ARHGEF12: variants seen among roughly 807,000 people sequenced by gnomAD.
The protein encoded by ARHGEF12 is Rho guanine nucleotide exchange factor 12, also known as KMT2A/ARHGEF12 fusion protein.
In ARHGEF12, 66 loss-of-function variants were observed where a neutral mutation model predicts 211.2. The observed-to-expected ratio is 0.31, with a 90% CI of 0.26 to 0.38. ARHGEF12 has a LOEUF of 0.38. Ranked by LOEUF, ARHGEF12 falls within the 10% of genes least tolerant of loss-of-function variation. ARHGEF12 has a pLI of 1.00. For missense variants in ARHGEF12, 1,429 were observed against 1,869.5 expected, an observed-to-expected ratio of 0.76 and a Z score of 4.34; for synonymous variants, 592 against 638.4, an observed-to-expected ratio of 0.93 and a Z score of 1.09.
intron 18 of ARHGEF12, chr11:120,447,287 G>T: frequency 4.2e-6 from 2 of 480,382 alleles, no homozygotes; most frequent in Non-Finnish European, 7.0e-6. Flanking sequence ...TTTTCTGGGT[G>T]GTGGTAAATG....
intron 1 of ARHGEF12, among the ~76,000 whole-genome samples, chr11:120,390,831 A>T (rs746392512): frequency 6.6e-6 from 1 of 152,178 alleles, no homozygotes; most frequent in African/African-American, 2.4e-5. Flanking sequence ...TACTAGTTAT[A>T]TAACTTGTAT....
In ARHGEF12 at chr11:120,449,136, G is replaced by T; in HGVS notation, c.1765G>T (p.Glu589Ter). The part of the protein sequence containing the change: ...KQSMKKDKEG[E>*]EKGKRRGFPS... Reference sequence around the variant, plus strand: ...AAGTATGAAGAAAGATAAAGAAGGGGAAGAAAAAGGGAAGCGAAGAGGATT... The same window carrying T: ...AAGTATGAAGAAAGATAAAGAAGGGTAAGAAAAAGGGAAGCGAAGAGGATT... The change falls in exon 21 of 41, where the codon GAA becomes TAA. Residue 589 changes from glutamate (E) to a stop codon, truncating the protein, a stop_gained. Transcript: ENST00000397843. LOFTEE classifies it high-confidence loss of function. The T allele has an allele frequency of 6.2e-7, 1 of 1,614,060 alleles. No individual in the cohort carries two copies. Among genetic ancestry groups the T allele is most frequent in the Non-Finnish European group, 8.5e-7 (1 of 1,179,988 alleles).
At chr11:120,457,322 T>C (rs1321577325) in intron 23 of ARHGEF12, 72 bp downstream of exon 23, 1 of 1,540,380 alleles carries the variant, frequency 6.5e-7, no homozygotes, top group Non-Finnish European at 8.8e-7. Flanking sequence ...ATTCCTATAC[T>C]TAGTAGCATT....
chr11:120,347,006 G>C (rs1204623810), intron 1 of ARHGEF12, among the ~76,000 whole-genome samples: 1 of 152,170 alleles, frequency 6.6e-6, no homozygotes, highest in East Asian at 1.9e-4. Context: ...AAGCAGCAGA[G>C]CACGTTCATA....
At chr11:120,351,762 C>T (rs889408395) in intron 1 of ARHGEF12, among the ~76,000 whole-genome samples, 2 of 152,016 alleles carry the variant, frequency 1.3e-5, no homozygotes, top group East Asian at 3.9e-4. Context: ...TGAGCCACTG[C>T]GCCCGGCCGG....
intron 35 of ARHGEF12, 31 bp from the exon 36 acceptor site, chr11:120,477,414 TAA>T (rs1387194107): frequency 2.0e-6 from 3 of 1,511,698 alleles, no homozygotes; most frequent in Non-Finnish European, 2.7e-6. Context: ...CTCAGGAAGG[TAA>T]AAGTTTTTTT....
intron 7 of ARHGEF12, among the ~76,000 whole-genome samples, chr11:120,424,759 T>C (rs1945289235): frequency 2.0e-5 from 3 of 152,340 alleles, no homozygotes; most frequent in Middle Eastern, 3.4e-3. Flanking sequence ...GATTATAATA[T>C]TCCTGTCATT....
chr11:120,462,284 T>TGGTC (rs1946557876), intron 27 of ARHGEF12, among the ~76,000 whole-genome samples: 1 of 152,134 alleles, frequency 6.6e-6, no homozygotes, highest in Non-Finnish European at 1.5e-5. Context: ...GTTGGGGGAA[T>TGGTC]GGTCAGTTGG....
intron 1 of ARHGEF12, among the ~76,000 whole-genome samples, chr11:120,389,597 T>C (rs1944148009): frequency 6.6e-6 from 1 of 152,234 alleles, no homozygotes. Context: ...ATTTATCTTT[T>C]GTGTTACAAA....
chr11:120,357,088 G>A (rs1943151769), intron 1 of ARHGEF12, among the ~76,000 whole-genome samples: 2 of 151,918 alleles, frequency 1.3e-5, no homozygotes, highest in Non-Finnish European at 2.9e-5. Context: ...GCAGTGGCGT[G>A]ATCTCAGCTC....
intron 11 of ARHGEF12, 45 bp from the exon 12 acceptor site, chr11:120,437,263 G>T: frequency 1.5e-6 from 2 of 1,360,122 alleles, no homozygotes; most frequent in Non-Finnish European, 2.0e-6. Flanking sequence ...ATCTCCTTTT[G>T]GTGTGCCTAT....
chr11:120,477,428 T>G lies in ARHGEF12; in HGVS notation c.3453-19T>G, dbSNP rs188352189. The stretch of plus-strand genomic sequence containing the variant: ...CCTCAGGAAGGTAAAAGTTTTTTTT[T>G]TTTTTTTTTTCTCTACAGAGGAGAT... On this transcript the variant is annotated intron_variant, in intron 35 of 40. Coordinates refer to ENST00000397843, the MANE Select transcript of ARHGEF12 (RefSeq NM_015313.3). The G allele has an allele frequency of 1.7e-3, 2,621 of 1,548,636 alleles. 30 individuals are homozygous for G. In the African/African-American group the frequency reaches 0.033, roughly 19 times the overall value.
At chr11:120,376,836 C>T (rs564221830) in intron 1 of ARHGEF12, among the ~76,000 whole-genome samples, 39 of 152,128 alleles carry the variant, frequency 2.6e-4, no homozygotes, top group Admixed American at 1.2e-3. Flanking sequence ...CTTTCTATCT[C>T]CGTGAGTTCA....
At position 120,442,101 on chromosome 11, in the gene ARHGEF12, C is replaced by T. The variant is rs1242164021; in HGVS notation, c.1204-3C>T. 3 of 1,581,896 alleles carry T rather than the reference C, an allele frequency of 1.9e-6. No homozygotes were observed. The East Asian group carries it at 6.7e-5, about 35-fold the overall frequency. ...GTCTTTTTCATTCCTTTCTCCACTA[C>T]AGCTCTGTTATCTCTATTCAGACCT... is the stretch of plus-strand genomic sequence containing the variant. On this transcript the variant is annotated splice_polypyrimidine_tract_variant and splice_region_variant and intron_variant, in intron 14 of 40. Coordinates refer to ENST00000397843, the MANE Select transcript of ARHGEF12 (RefSeq NM_015313.3).
rs780966834 is a variant in ARHGEF12 at position 120,480,363 on chromosome 11, T to C, written c.4170T>C (p.Asp1390=). ...HFFDAREAHS[D]ENPSEGDGAV... ...TTGATGCCCGTGAAGCACATAGTGA[T>C]GAGAATCCATCAGAAGGTGATGGAG... The change falls in exon 38 of 41, where the codon GAT becomes GAC. Residue 1390 remains aspartate (D), a synonymous_variant. Transcript: ENST00000397843. 5.6e-6 allele frequency: 9 copies of C among 1,613,962 alleles called. No individual in the cohort carries two copies. In the South Asian group the frequency reaches 9.9e-5, roughly 18 times the overall value.
intron 1 of ARHGEF12, among the ~76,000 whole-genome samples, chr11:120,339,858 T>C (rs1016226037): frequency 1.3e-5 from 2 of 152,210 alleles, no homozygotes; most frequent in Non-Finnish European, 2.9e-5. Flanking sequence ...CATCCTGTTA[T>C]TATTTTGCAG....
intron 27 of ARHGEF12, chr11:120,463,826 T>C (rs1477917293): frequency 1.3e-5 from 2 of 152,232 alleles, no homozygotes; most frequent in African/African-American, 2.4e-5. Context: ...AATGCCTTTA[T>C]GTACAAACTT....
At chr11:120,361,821 T>C (rs1943285877) in intron 1 of ARHGEF12, among the ~76,000 whole-genome samples, 1 of 152,244 alleles carries the variant, frequency 6.6e-6, no homozygotes, top group Non-Finnish European at 1.5e-5. Flanking sequence ...GATATATTTG[T>C]CAAGATATGC....
rs1365856065 is a variant in ARHGEF12, at chr11:120,489,550, CT to C, written c.*4474del. 9.1e-6 allele frequency: 2 copies of C among 219,060 alleles called. No homozygotes were observed. The highest frequency in any genetic ancestry group is 1.8e-5 in the Non-Finnish European group (2 of 109,280). 13.6% of individuals were successfully genotyped at this position (219,060 alleles called of 1,614,324 possible). Reference sequence around the variant, plus strand: ...TGTGCTTTTACCAACAGCATTTTAGCTCAGAAGGCTCGCTTACTTTGGGCAT... The same window carrying C: ...TGTGCTTTTACCAACAGCATTTTAGCCAGAAGGCTCGCTTACTTTGGGCAT... On this transcript the variant is annotated 3_prime_UTR_variant, in exon 41 of 41. Transcript: ENST00000397843.
Sources: allele counts gnomAD v4.1 joint callset (sites outside exome capture counted in the v4.1 genomes callset), GRCh38; gene constraint gnomAD v4.1.1; transcripts MANE v1.5; gene names NCBI Gene and HGNC (gene_info 2026-07-23, HGNC 2026-07-21).